MROH9: variants seen among roughly 807,000 people sequenced by gnomAD.
MROH9 encodes maestro heat-like repeat-containing protein family member 9.
In MROH9, 92 loss-of-function variants were observed where a neutral mutation model predicts 98.2. The observed-to-expected ratio is 0.94, with a 90% CI of 0.79 to 1.11. The LOEUF (loss-of-function observed/expected upper bound fraction) is 1.11, where lower values mean the gene tolerates loss of function less well. Among genes scored for constraint, MROH9 ranks in the 50% most tolerant of loss-of-function variants. The pLI is 0.00. For synonymous variants in MROH9, 397 were observed against 368.9 expected (o/e 1.08, Z -0.87); for missense variants, 1,057 against 1,014.8 (o/e 1.04, Z -0.57).
At chr1:171,012,615 G>A (rs1652193604) in intron 15 of MROH9, among the ~76,000 whole-genome samples, 1 of 146,746 alleles carries the variant, frequency 6.8e-6, no homozygotes, top group Non-Finnish European at 1.5e-5. Flanking sequence ...CCATTCTCCT[G>A]CCTCAGCCTC....
At chr1:170,983,777 C>G (rs567301071) in intron 9 of MROH9, among the ~76,000 whole-genome samples, 6 of 152,186 alleles carry the variant, frequency 3.9e-5, no homozygotes, top group Middle Eastern at 6.8e-3. Flanking sequence ...TTATAGAAAG[C>G]AAATGAGGTA....
At chr1:170,994,702 C>A (rs1651491386) in intron 12 of MROH9, among the ~76,000 whole-genome samples, 1 of 152,094 alleles carries the variant, frequency 6.6e-6, no homozygotes, top group African/African-American at 2.4e-5. Context: ...TTCTTTCTAA[C>A]TATTGTTTTA....
In MROH9 at chr1:171,044,972, C is replaced by CTTTTTTTTTTT. The variant is rs754332732; in HGVS notation, c.2282-17123_2282-17113dup. Among the ~76,000 whole-genome samples, 353 of 45,708 alleles carry CTTTTTTTTTTT rather than the reference C, an allele frequency of 7.7e-3. 68 individuals carry two copies. Among genetic ancestry groups the CTTTTTTTTTTT allele is most frequent in the Middle Eastern group, 0.012 (1 of 82 alleles). 30.0% of individuals were successfully genotyped at this position (45,708 alleles called of 152,430 possible). ...CAATTCCATTTATTTCTGCTCTGAT[C>CTTTTTTTTTTT]TTTTTTTTTTTTTTTTTTTTTTTTT... On this transcript the variant is annotated intron_variant, in intron 20 of 21. Coordinates refer to ENST00000367759, the MANE Select transcript of MROH9 (RefSeq NM_001163629.2).
In MROH9 at chr1:170,964,282, T is replaced by C. The variant is rs142691946; in HGVS notation, c.376-869T>C. On this transcript the variant is annotated intron_variant, in intron 6 of 21. Transcript: ENST00000367759. The stretch of plus-strand genomic sequence containing the variant: ...CTGTTACTTAACCACTTTGTTCTTA[T>C]ACCTACCATGCCTAAAAGCTTCCCT... Among the ~76,000 whole-genome samples the C allele has an allele frequency of 1.1e-3, 173 of 152,180 alleles. 1 individual carries two copies. The highest frequency in any genetic ancestry group is 4.0e-3 in the African/African-American group (166 of 41,542).
At chr1:171,022,597 G>T (rs867255585) in intron 17 of MROH9, among the ~76,000 whole-genome samples, 56 of 152,192 alleles carry the variant, frequency 3.7e-4, no homozygotes, top group Middle Eastern at 3.4e-3. Context: ...AGGGCCACTT[G>T]GGGGGTGGGT....
intron 20 of MROH9, among the ~76,000 whole-genome samples, chr1:171,041,214 T>A (rs1467355327): frequency 3.3e-5 from 5 of 151,912 alleles, no homozygotes; most frequent in Admixed American, 1.3e-4. Context: ...AGCTCCCATT[T>A]ATAAGTGAGA....
rs147323786 is a variant in MROH9 at position 171,042,610 on chromosome 1, G to T, written c.2281+17190G>T. On this transcript the variant is annotated intron_variant, in intron 20 of 21. Transcript: ENST00000367759. ...ACTAATTTATGTTCTCACCAACAGT[G>T]TAGAGGGTCCCCATTTAACCACATC... Among the ~76,000 whole-genome samples, 281 of 152,154 alleles carry T rather than the reference G, an allele frequency of 1.8e-3. 1 individual carries two copies. The highest frequency in any genetic ancestry group is 0.014 in the Middle Eastern group (4 of 294).
At chr1:171,053,454 T>C (rs1362553121) in intron 20 of MROH9, among the ~76,000 whole-genome samples, 2 of 152,208 alleles carry the variant, frequency 1.3e-5, no homozygotes, top group Admixed American at 6.5e-5. Flanking sequence ...GAAGAAGATA[T>C]ACCTTTAGCT....
intron 8 of MROH9, among the ~76,000 whole-genome samples, chr1:170,972,275 A>C (rs61815982): frequency 0.17 from 26,491 of 152,126 alleles, 2,830 homozygotes; most frequent in African/African-American, 0.3. Context: ...GAAAAATAAG[A>C]CTAGGATTAA....
intron 15 of MROH9, among the ~76,000 whole-genome samples, chr1:171,009,100 G>A (rs138053123): frequency 6.6e-6 from 1 of 151,340 alleles, no homozygotes; most frequent in African/African-American, 2.4e-5. Context: ...AGATAAACTA[G>A]ATATTAAAGA....
chr1:171,004,578 C>A (rs540935318), intron 15 of MROH9, among the ~76,000 whole-genome samples: 1 of 152,198 alleles, frequency 6.6e-6, no homozygotes, highest in African/African-American at 2.4e-5. Flanking sequence ...CTCACTTCCG[C>A]GGTTGGGGCA....
intron 15 of MROH9, among the ~76,000 whole-genome samples, chr1:171,005,603 TG>T (rs1651928053): frequency 2.0e-5 from 3 of 152,242 alleles, no homozygotes; most frequent in Admixed American, 2.0e-4. Flanking sequence ...GAAATGCAAC[TG>T]ACTTTTGTAT....
At chr1:171,042,296 A>G (rs1351671395) in intron 20 of MROH9, among the ~76,000 whole-genome samples, 2 of 152,040 alleles carry the variant, frequency 1.3e-5, no homozygotes, top group Non-Finnish European at 2.9e-5. Flanking sequence ...AGACTCACTC[A>G]TGTTGTTGCA....
At chr1:170,956,681 C>T (rs1409824255) in intron 3 of MROH9, among the ~76,000 whole-genome samples, 1 of 145,598 alleles carries the variant, frequency 6.9e-6, no homozygotes, top group Non-Finnish European at 1.5e-5. Flanking sequence ...TATAGAAGAG[C>T]TACTGATTTG....
At chr1:171,019,477 C>T (rs1048964614) in intron 17 of MROH9, among the ~76,000 whole-genome samples, 1 of 151,954 alleles carries the variant, frequency 6.6e-6, no homozygotes. Context: ...GATGGTGAAA[C>T]CCCATCTCTA....
rs560774662 is a variant in MROH9 at position 171,021,450 on chromosome 1, ACAC to A, written c.1909-2941_1909-2939del. ...AAACAGAACAGAGATCTCAGAAATAACACCACACTTCTACAATCATCTGATCTT... is the reference window on the plus strand; with the variant it reads ...AAACAGAACAGAGATCTCAGAAATAACACACTTCTACAATCATCTGATCTT... On this transcript the variant is annotated intron_variant, in intron 17 of 21. Coordinates refer to ENST00000367759, the MANE Select transcript of MROH9 (RefSeq NM_001163629.2). 1.8e-3 allele frequency among the ~76,000 whole-genome samples: 281 copies of A among 152,274 alleles called. 1 individual carries two copies. The highest frequency in any genetic ancestry group is 5.6e-3 in the African/African-American group (234 of 41,544).
chr1:170,985,037 C>T (rs1352439819), intron 9 of MROH9, among the ~76,000 whole-genome samples: 2 of 152,034 alleles, frequency 1.3e-5, no homozygotes, highest in African/African-American at 4.8e-5. Flanking sequence ...GAAAACAATT[C>T]CCAAACTATG....
At chr1:170,958,005 T>A (rs1649841472) in intron 3 of MROH9, among the ~76,000 whole-genome samples, 1 of 152,052 alleles carries the variant, frequency 6.6e-6, no homozygotes, top group Non-Finnish European at 1.5e-5. Flanking sequence ...GAGACGGGGT[T>A]TCACCGTATT....
intron 8 of MROH9, among the ~76,000 whole-genome samples, chr1:170,982,243 A>G (rs973222308): frequency 6.9e-6 from 1 of 145,590 alleles, no homozygotes; most frequent in Non-Finnish European, 1.5e-5. Flanking sequence ...ATGTACATAT[A>G]ATAGAATACT....
Sources: allele counts gnomAD v4.1 joint callset (sites outside exome capture counted in the v4.1 genomes callset), GRCh38; gene constraint gnomAD v4.1.1; transcripts MANE v1.5; gene names NCBI Gene and HGNC (gene_info 2026-07-23, HGNC 2026-07-21).